The following FRMD4A variants were observed in gnomAD, a reference collection of about 807,000 sequenced individuals.
FRMD4A encodes the protein FERM domain-containing protein 4A.
Under a neutral mutation model 129.1 loss-of-function variants are expected in FRMD4A, and 29 were observed. The ratio of observed to expected loss-of-function variants is 0.22; its 90% CI spans 0.17 to 0.31. The LOEUF (loss-of-function observed/expected upper bound fraction) is 0.31, where lower values mean the gene tolerates loss of function less well. Ranked by LOEUF, FRMD4A falls within the 10% of genes least tolerant of loss-of-function variation. The probability of loss-of-function intolerance (pLI) is 1.00; values close to 1 mark genes in which losing one functional copy is unlikely to be tolerated. For missense variants in FRMD4A, 1,272 were observed against 1,375.8 expected (o/e 0.92, Z 1.19); for synonymous variants, 634 against 571.6 (o/e 1.11, Z -1.56).
rs576009125 is a variant in FRMD4A at position 13,985,017 on chromosome 10, C to T, written c.46-126105G>A. The stretch of plus-strand genomic sequence containing the variant: ...GCTCCACTCCTGAAGCAGGCAGGGA[C>T]GCTGCCCACAGACATGCCTGCTGAC... On this transcript the variant is annotated intron_variant, in intron 2 of 24. Coordinates refer to ENST00000357447, the MANE Select transcript of FRMD4A (RefSeq NM_018027.5). Among the ~76,000 whole-genome samples, 28 of 152,370 alleles carry T rather than the reference C, an allele frequency of 1.8e-4. 1 individual carries two copies. In the South Asian group the frequency reaches 3.7e-3, roughly 20 times the overall value.
intron 2 of FRMD4A, among the ~76,000 whole-genome samples, chr10:14,044,257 C>T (rs1336437715): frequency 2.0e-5 from 3 of 152,170 alleles, no homozygotes; most frequent in Admixed American, 6.5e-5. Context: ...GTTGTTTGAG[C>T]TCTATTGTTT....
intron 12 of FRMD4A, among the ~76,000 whole-genome samples, chr10:13,720,290 C>T (rs1338621023): frequency 6.6e-6 from 1 of 152,208 alleles, no homozygotes; most frequent in Admixed American, 6.5e-5. Flanking sequence ...TTCAGGCGAT[C>T]CGCCCACCTC....
chr10:14,256,758 G>A (rs775955629), intron 2 of FRMD4A, among the ~76,000 whole-genome samples: 4 of 152,114 alleles, frequency 2.6e-5, no homozygotes, highest in Non-Finnish European at 4.4e-5. Context: ...CAAGGTATAA[G>A]GATTGCTTGA....
chr10:14,217,544 G>A (rs1308219790), intron 2 of FRMD4A, among the ~76,000 whole-genome samples: 1 of 152,198 alleles, frequency 6.6e-6, no homozygotes, highest in African/African-American at 2.4e-5. Flanking sequence ...GGAACTGTGA[G>A]TCCACTAAAC....
chr10:13,712,656 T>C (rs913172143), intron 12 of FRMD4A, among the ~76,000 whole-genome samples: 9 of 152,212 alleles, frequency 5.9e-5, no homozygotes, highest in African/African-American at 2.2e-4. Context: ...ATACTGGATG[T>C]GGATTCTTAG....
At chr10:13,744,454 C>T (rs904766751) in intron 9 of FRMD4A, 1 of 152,118 alleles carries the variant, frequency 6.6e-6, no homozygotes, top group African/African-American at 2.4e-5. Flanking sequence ...ATGCTGCTTT[C>T]ACTGCTTTTT....
At chr10:14,257,320 G>T (rs917950569) in intron 2 of FRMD4A, among the ~76,000 whole-genome samples, 8 of 152,146 alleles carry the variant, frequency 5.3e-5, no homozygotes, top group Non-Finnish European at 1.2e-4. Flanking sequence ...GACAGAGCAA[G>T]ACCCTGTCTC....
chr10:14,137,405 G>C (rs149169568), intron 2 of FRMD4A, among the ~76,000 whole-genome samples: 1 of 152,280 alleles, frequency 6.6e-6, no homozygotes, highest in African/African-American at 2.4e-5. Flanking sequence ...TGCTGCATTT[G>C]ACTGAAAGAA....
intron 2 of FRMD4A, among the ~76,000 whole-genome samples, chr10:14,159,264 C>G (rs1364751643): frequency 2.0e-5 from 3 of 152,158 alleles, no homozygotes; most frequent in African/African-American, 7.2e-5. Context: ...TGATTTGAGC[C>G]ACATTGCTAA....
At chr10:14,140,418 C>T (rs969118907) in intron 2 of FRMD4A, among the ~76,000 whole-genome samples, 2 of 152,132 alleles carry the variant, frequency 1.3e-5, no homozygotes, top group Middle Eastern at 3.2e-3. Context: ...GGAAATGTCT[C>T]GAACGTTTTG....
intron 2 of FRMD4A, among the ~76,000 whole-genome samples, chr10:13,899,768 C>G (rs1389158355): frequency 6.6e-6 from 1 of 152,216 alleles, no homozygotes; most frequent in Non-Finnish European, 1.5e-5. Context: ...TCCATGCTTG[C>G]CTGCCACAGG....
intron 2 of FRMD4A, among the ~76,000 whole-genome samples, chr10:14,160,494 G>C (rs1369231182): frequency 6.6e-6 from 1 of 152,178 alleles, no homozygotes; most frequent in Non-Finnish European, 1.5e-5. Context: ...CAACAGAGTG[G>C]AGAGACACCT....
intron 2 of FRMD4A, among the ~76,000 whole-genome samples, chr10:13,870,303 C>T (rs143034100): frequency 3.5e-4 from 54 of 152,366 alleles, no homozygotes; most frequent in Non-Finnish European, 7.2e-4. Flanking sequence ...AACAGGCTCT[C>T]TGACATCGGC....
intron 2 of FRMD4A, among the ~76,000 whole-genome samples, chr10:13,924,640 T>C (rs375042736): frequency 2.6e-5 from 4 of 152,312 alleles, no homozygotes; most frequent in African/African-American, 7.2e-5. Flanking sequence ...TTACTTATCA[T>C]CTGACACAGT....
intron 2 of FRMD4A, among the ~76,000 whole-genome samples, chr10:14,297,896 T>C (rs1439196131): frequency 6.6e-6 from 1 of 152,232 alleles, no homozygotes; most frequent in Admixed American, 6.5e-5. Context: ...TTTTAGGAGG[T>C]GAAAAGCCAA....
At chr10:13,949,361 C>G (rs1429501560) in intron 2 of FRMD4A, among the ~76,000 whole-genome samples, 1 of 149,182 alleles carries the variant, frequency 6.7e-6, no homozygotes, top group Middle Eastern at 3.2e-3. Context: ...AAGTTTTCTA[C>G]TTGCATTTTC....
chr10:13,995,366 T>C (rs569458686), intron 2 of FRMD4A, among the ~76,000 whole-genome samples: 1 of 152,268 alleles, frequency 6.6e-6, no homozygotes, highest in Admixed American at 6.5e-5. Flanking sequence ...GGTGGATTGC[T>C]TGAGGCCAAG....
At chr10:14,065,600 A>G (rs1456020943) in intron 2 of FRMD4A, among the ~76,000 whole-genome samples, 1 of 152,148 alleles carries the variant, frequency 6.6e-6, no homozygotes, top group Non-Finnish European at 1.5e-5. Context: ...TCACTCACTC[A>G]AGCCCTGAAA....
chr10:14,325,145 C>T (rs1032982827), intron 2 of FRMD4A, among the ~76,000 whole-genome samples: 2 of 152,192 alleles, frequency 1.3e-5, no homozygotes, highest in African/African-American at 4.8e-5. Context: ...AATGTAAGAG[C>T]AAGAGTCCTT....
Sources: allele counts gnomAD v4.1 joint callset (sites outside exome capture counted in the v4.1 genomes callset), GRCh38; gene constraint gnomAD v4.1.1; transcripts MANE v1.5; gene names NCBI Gene and HGNC (gene_info 2026-07-23, HGNC 2026-07-21).